The following CCDC171 variants were observed in gnomAD, a reference collection of about 807,000 sequenced individuals.
CCDC171 encodes coiled-coil domain-containing protein 171.
Under a neutral mutation model 168.2 loss-of-function variants are expected in CCDC171, and 177 were observed. That is an observed-to-expected ratio of 1.05 (90% CI 0.93 to 1.19). The LOEUF is 1.19. Ranked by LOEUF, CCDC171 falls within the 50% of genes most tolerant of loss-of-function variation. The pLI is 0.00. For synonymous variants in CCDC171, 687 were observed against 540.8 expected (o/e 1.27, Z -3.75); for missense variants, 1,991 against 1,539.0 (o/e 1.29, Z -4.91).
chr9:15,675,187 G>GTTTTTTTTTTT (rs138989790), intron 9 of CCDC171, among the ~76,000 whole-genome samples: 2 of 75,528 alleles, frequency 2.6e-5, no homozygotes, highest in African/African-American at 5.6e-5. Flanking sequence ...TGCAACTCCT[G>GTTTTTTTTTTT]TTTTTTTTTT....
At chr9:16,106,465 A>T in the CCDC171 span, among the ~76,000 whole-genome samples, 2 of 152,138 alleles carry the variant, frequency 1.3e-5, no homozygotes, top group Non-Finnish European at 2.9e-5. Flanking sequence ...AACCCAGTGC[A>T]ATTCCGGAGC....
intron 21 of CCDC171, among the ~76,000 whole-genome samples, chr9:15,799,555 G>T (rs1487520937): frequency 6.6e-6 from 1 of 151,924 alleles, no homozygotes; most frequent in Non-Finnish European, 1.5e-5. Context: ...CATTCAATGT[G>T]TGATAACCAC....
In CCDC171 at chr9:15,867,412, T is replaced by G. The variant is rs118102003; in HGVS notation, c.3469-7120T>G. ...AAAAGTTGAAACATGATCCTCTGCCTCTAAAAAACCCAATTTTTAGTGGCT... is the reference window on the plus strand; with the variant it reads ...AAAAGTTGAAACATGATCCTCTGCCGCTAAAAAACCCAATTTTTAGTGGCT... On this transcript the variant is annotated intron_variant, in intron 23 of 25. Coordinates refer to ENST00000380701, the MANE Select transcript of CCDC171 (RefSeq NM_173550.4). 5.7e-4 allele frequency among the ~76,000 whole-genome samples: 87 copies of G among 152,184 alleles called. No homozygotes were observed. The East Asian group carries it at 9.7e-3, about 17-fold the overall frequency.
At chr9:15,856,314 A>C (rs1233830395) in intron 23 of CCDC171, among the ~76,000 whole-genome samples, 2 of 151,786 alleles carry the variant, frequency 1.3e-5, no homozygotes, top group Non-Finnish European at 2.9e-5. Flanking sequence ...CTTTATACCT[A>C]TTTATTAACA....
rs139339420 is a variant in CCDC171 at position 15,929,553 on chromosome 9, C to T, written c.3753+9131C>T. 6.8e-4 allele frequency among the ~76,000 whole-genome samples: 103 copies of T among 151,766 alleles called. 1 individual carries two copies. In the East Asian group the frequency reaches 0.016, roughly 24 times the overall value. On this transcript the variant is annotated intron_variant, in intron 25 of 25. Coordinates refer to ENST00000380701, the MANE Select transcript of CCDC171 (RefSeq NM_173550.4). ...AGTCCTTAACTTTTGTTCCACTTTC[C>T]CTCTACCACCAATATTTAATTTATT...
intron 18 of CCDC171, among the ~76,000 whole-genome samples, chr9:15,764,227 C>A (rs1165133321): frequency 3.9e-5 from 6 of 152,174 alleles, no homozygotes; most frequent in Admixed American, 2.6e-4. Context: ...ATGGTAAGAA[C>A]TTTAGATTTT....
At chr9:15,879,072 A>G (rs1563925364) in intron 24 of CCDC171, among the ~76,000 whole-genome samples, 1 of 152,166 alleles carries the variant, frequency 6.6e-6, no homozygotes, top group Non-Finnish European at 1.5e-5. Flanking sequence ...TTGTGACATG[A>G]GTTTACCTAT....
chr9:15,735,607 G>A (rs1262444315), intron 16 of CCDC171, among the ~76,000 whole-genome samples: 1 of 152,122 alleles, frequency 6.6e-6, no homozygotes, highest in African/African-American at 2.4e-5. Flanking sequence ...TTTTACTGTG[G>A]TATTGAGAGT....
rs554056127 is a variant in CCDC171, at chr9:15,617,462, C to T, written c.676-5805C>T. 1.5e-4 allele frequency among the ~76,000 whole-genome samples: 22 copies of T among 151,376 alleles called. No homozygotes were observed. The South Asian group carries it at 2.9e-3, about 20-fold the overall frequency. ...CGTGATCTCGGCTCACTGCAAGCTCCGCCTCCTGGGTTCATGCCATTCTCC... is the reference window on the plus strand; with the variant it reads ...CGTGATCTCGGCTCACTGCAAGCTCTGCCTCCTGGGTTCATGCCATTCTCC... On this transcript the variant is annotated intron_variant, in intron 6 of 25. Coordinates refer to ENST00000380701, the MANE Select transcript of CCDC171 (RefSeq NM_173550.4).
chr9:16,053,610 C>T (rs777795607), intron 1 of CCDC171, among the ~76,000 whole-genome samples: 8 of 152,226 alleles, frequency 5.3e-5, no homozygotes, highest in Non-Finnish European at 8.8e-5. Context: ...TAAAGCAATC[C>T]GCTGTCAACC....
chr9:15,578,524 C>T (rs1238956844), intron 3 of CCDC171, among the ~76,000 whole-genome samples: 1 of 150,680 alleles, frequency 6.6e-6, no homozygotes, highest in Non-Finnish European at 1.5e-5. Context: ...CCTGCCTTGG[C>T]CTCTCAAAGT....
chr9:15,681,727 A>C (rs2050054134), intron 10 of CCDC171, among the ~76,000 whole-genome samples: 1 of 152,118 alleles, frequency 6.6e-6, no homozygotes, highest in Non-Finnish European at 1.5e-5. Context: ...TTTCTCCCAA[A>C]TTAAAATTTT....
At chr9:15,700,415 C>T (rs988427913) in intron 11 of CCDC171, among the ~76,000 whole-genome samples, 6 of 152,332 alleles carry the variant, frequency 3.9e-5, no homozygotes, top group South Asian at 2.1e-4. Context: ...TTCCCACTCA[C>T]GCCTCTCCCT....
At chr9:16,023,559 G>A (rs1833217065) in intron 6 of CCDC171, among the ~76,000 whole-genome samples, 1 of 152,148 alleles carries the variant, frequency 6.6e-6, no homozygotes, top group Non-Finnish European at 1.5e-5. Context: ...AACTTAGGTT[G>A]GAGATGGACC....
intron 3 of CCDC171, among the ~76,000 whole-genome samples, chr9:15,996,067 A>C (rs1224388240): frequency 6.6e-6 from 1 of 152,238 alleles, no homozygotes; most frequent in East Asian, 1.9e-4. Context: ...TCACACTTAC[A>C]CTGCTGTCCA....
chr9:15,938,906 G>T (rs920984187), intron 25 of CCDC171, among the ~76,000 whole-genome samples: 1 of 151,670 alleles, frequency 6.6e-6, no homozygotes, highest in Non-Finnish European at 1.5e-5. Context: ...ATGCCATATG[G>T]ATAGTATACA....
chr9:15,727,827 G>A, intron 14 of CCDC171, 42 bp from the exon 15 acceptor site: 2 of 1,527,648 alleles, frequency 1.3e-6, no homozygotes, highest in Non-Finnish European at 1.8e-6. Context: ...TTCTTACAAT[G>A]TTTATATACA....
chr9:15,743,697 G>A (rs971212251), intron 16 of CCDC171, among the ~76,000 whole-genome samples: 1 of 152,226 alleles, frequency 6.6e-6, no homozygotes, highest in Admixed American at 6.5e-5. Flanking sequence ...GAGATGCACT[G>A]TGTATAGCTT....
downstream of CCDC171, among the ~76,000 whole-genome samples, chr9:15,977,243 C>T (rs1428975568): frequency 6.6e-6 from 1 of 152,118 alleles, no homozygotes; most frequent in Non-Finnish European, 1.5e-5. Flanking sequence ...CCTGCATAAT[C>T]TTTTTTAGTT....
Sources: gnomAD v4.1 joint callset for allele counts (sites outside exome capture counted in the v4.1 genomes callset) on GRCh38, gnomAD v4.1.1 for gene constraint, MANE v1.5 for transcripts, NCBI Gene and HGNC (gene_info 2026-07-23, HGNC 2026-07-21) for gene names.